Variants in CCDC148 observed in about 807,000 individuals in gnomAD.
CCDC148 encodes coiled-coil domain-containing protein 148.
CCDC148 carries 89 observed loss-of-function variants against 85.7 expected under a neutral mutation model. The ratio of observed to expected loss-of-function variants is 1.04; its 90% CI spans 0.87 to 1.24. CCDC148 has a LOEUF of 1.24. Ranked by LOEUF, CCDC148 falls within the 50% of genes most tolerant of loss-of-function variation. CCDC148 has a pLI of 0.00. For missense variants in CCDC148, 692 were observed against 671.7 expected (o/e 1.03, Z -0.33); for synonymous variants, 230 against 213.9 (o/e 1.08, Z -0.66).
chr2:158,217,443 C>T (rs1686943125), intron 11 of CCDC148, among the ~76,000 whole-genome samples: 1 of 150,110 alleles, frequency 6.7e-6, no homozygotes, highest in African/African-American at 2.5e-5. Flanking sequence ...CGCTCTGTTG[C>T]CCAGGCTGGA....
intron 1 of CCDC148, among the ~76,000 whole-genome samples, chr2:158,387,541 C>G (rs555841118): frequency 3.3e-5 from 5 of 152,252 alleles, no homozygotes; most frequent in Admixed American, 2.6e-4. Flanking sequence ...TGGGTCCCAA[C>G]AGCCCACAGT....
At chr2:158,251,802 T>C (rs952816398) in intron 9 of CCDC148, among the ~76,000 whole-genome samples, 3 of 151,828 alleles carry the variant, frequency 2.0e-5, no homozygotes, top group African/African-American at 7.2e-5. Context: ...ATCTCATTAA[T>C]GTAAAATATC....
At chr2:158,284,995 T>C (rs1218453593) in intron 9 of CCDC148, among the ~76,000 whole-genome samples, 2 of 152,116 alleles carry the variant, frequency 1.3e-5, no homozygotes, top group African/African-American at 4.8e-5. Flanking sequence ...TATTAAGAAT[T>C]CAGTGCATTA....
intron 2 of CCDC148, among the ~76,000 whole-genome samples, chr2:158,347,305 G>A (rs1683042422): frequency 6.6e-6 from 1 of 151,852 alleles, no homozygotes; most frequent in Non-Finnish European, 1.5e-5. Context: ...CTCGCCTTTG[G>A]GCCCATGGAA....
chr2:158,396,627 A>G (rs1249988219), intron 1 of CCDC148, among the ~76,000 whole-genome samples: 1 of 152,090 alleles, frequency 6.6e-6, no homozygotes, highest in Non-Finnish European at 1.5e-5. Flanking sequence ...AATTTGCTTC[A>G]CCTGCAGAGC....
chr2:158,288,501 C>T (rs1265593584), intron 9 of CCDC148: 1 of 152,790 alleles, frequency 6.5e-6, no homozygotes, highest in Non-Finnish European at 1.5e-5. Flanking sequence ...TTCAAAGTTC[C>T]ACAAGTCTCT....
intron 1 of CCDC148, among the ~76,000 whole-genome samples, chr2:158,365,820 A>T (rs1684175902): frequency 6.6e-6 from 1 of 152,074 alleles, no homozygotes; most frequent in Non-Finnish European, 1.5e-5. Context: ...AAAAGGAAGA[A>T]AGCAAGGGTA....
chr2:158,287,554 A>C (rs1690685604), intron 9 of CCDC148, among the ~76,000 whole-genome samples: 1 of 152,196 alleles, frequency 6.6e-6, no homozygotes, highest in Admixed American at 6.5e-5. Context: ...AAAATCCAGC[A>C]GGGTAGTCAA....
At chr2:158,203,348 A>G (rs1340492062) in intron 11 of CCDC148, among the ~76,000 whole-genome samples, 1 of 152,194 alleles carries the variant, frequency 6.6e-6, no homozygotes, top group Non-Finnish European at 1.5e-5. Context: ...AATAAGCTTT[A>G]TTTGCAATAA....
chr2:158,440,843 G>T (rs1446950992), intron 1 of CCDC148, among the ~76,000 whole-genome samples: 1 of 152,140 alleles, frequency 6.6e-6, no homozygotes, highest in Non-Finnish European at 1.5e-5. Context: ...GTATACTCCA[G>T]ACTGTTCATG....
At chr2:158,331,276 T>C (rs962848842) in intron 7 of CCDC148, among the ~76,000 whole-genome samples, 8 of 152,234 alleles carry the variant, frequency 5.3e-5, no homozygotes, top group Non-Finnish European at 1.0e-4. Context: ...CCAGTAGTCA[T>C]TCAGGAGCAG....
intron 1 of CCDC148, among the ~76,000 whole-genome samples, chr2:158,443,514 A>AG (rs1559149252): frequency 4.1e-5 from 6 of 144,894 alleles, no homozygotes; most frequent in African/African-American, 9.8e-5. Context: ...AAAAAAAAAA[A>AG]AAAAAAAAAG....
chr2:158,304,363 G>A (rs957707441), intron 9 of CCDC148, among the ~76,000 whole-genome samples: 1 of 152,124 alleles, frequency 6.6e-6, no homozygotes, highest in Non-Finnish European at 1.5e-5. Context: ...CAGTACTGTT[G>A]CCTTGATTGC....
At chr2:158,423,123 A>T (rs1212003662) in intron 1 of CCDC148, among the ~76,000 whole-genome samples, 1 of 152,234 alleles carries the variant, frequency 6.6e-6, no homozygotes, top group Non-Finnish European at 1.5e-5. Flanking sequence ...CATGGATAGG[A>T]AGAATCAATA....
chr2:158,430,985 GA>G (rs1232840971), intron 1 of CCDC148, among the ~76,000 whole-genome samples: 3 of 151,250 alleles, frequency 2.0e-5, no homozygotes, highest in Admixed American at 6.6e-5. Flanking sequence ...ATCTGCAGAA[GA>G]AAAAAATCAA....
intron 7 of CCDC148, 90 bp downstream of exon 7, chr2:158,338,636 C>A: frequency 1.2e-6 from 1 of 850,868 alleles, no homozygotes; most frequent in Non-Finnish European, 1.8e-6. Context: ...TACATAGTAA[C>A]TATACAGTAA....
At chr2:158,314,793 GA>G (rs1407253522) in intron 7 of CCDC148, among the ~76,000 whole-genome samples, 1 of 152,148 alleles carries the variant, frequency 6.6e-6, no homozygotes, top group Non-Finnish European at 1.5e-5. Context: ...CTTAATCCAA[GA>G]GGATACTTGT....
chr2:158,365,211 G>A (rs571909442), intron 1 of CCDC148, among the ~76,000 whole-genome samples: 1 of 152,166 alleles, frequency 6.6e-6, no homozygotes, highest in Non-Finnish European at 1.5e-5. Flanking sequence ...GTTGGTGGGA[G>A]TGTAAATTAG....
chr2:158,430,156 G>A (rs1478998385), intron 1 of CCDC148, among the ~76,000 whole-genome samples: 1 of 152,150 alleles, frequency 6.6e-6, no homozygotes, highest in Non-Finnish European at 1.5e-5. Context: ...CAGGGATGAA[G>A]ATGTTTGACC....
Sources: allele counts gnomAD v4.1 joint callset (sites outside exome capture counted in the v4.1 genomes callset), GRCh38; gene constraint gnomAD v4.1.1; transcripts MANE v1.5; gene names NCBI Gene and HGNC (gene_info 2026-07-23, HGNC 2026-07-21).